Variants in TOM1L2 observed in about 807,000 individuals in gnomAD.
The protein encoded by TOM1L2 is TOM1-like protein 2.
In TOM1L2, 31 loss-of-function variants were observed where a neutral mutation model predicts 67.9. That is an observed-to-expected ratio of 0.46 (90% confidence interval 0.34 to 0.62). The LOEUF is 0.62. TOM1L2 is among the 20% of genes least tolerant of loss of function. TOM1L2 has a pLI of 0.01. For synonymous variants in TOM1L2, 256 were observed against 254.0 expected, an observed-to-expected ratio of 1.01 and a Z score of -0.07; for missense variants, 606 against 663.5, an observed-to-expected ratio of 0.91 and a Z score of 0.95.
rs1417361268 is a variant in TOM1L2, at chr17:17,972,382, G to T, written c.-69C>A. The T allele has an allele frequency of 6.5e-7, 1 of 1,543,836 alleles. No homozygotes were observed. The highest frequency in any genetic ancestry group is 2.5e-5 in the East Asian group (1 of 40,756). ...CCTAGGCCTCCGCTGTAACCCGCCG[G>T]ACTCCCGTCCTGACTGACACTTGCC... On this transcript the variant is annotated 5_prime_UTR_variant, in exon 1 of 15. Coordinates refer to ENST00000379504, the MANE Select transcript of TOM1L2 (RefSeq NM_001082968.2).
intron 12 of TOM1L2, among the ~76,000 whole-genome samples, chr17:17,860,557 G>A (rs2036500076): frequency 6.6e-6 from 1 of 152,136 alleles, no homozygotes; most frequent in South Asian, 2.1e-4. Flanking sequence ...CTAAAAATTG[G>A]GACCCAGTAA....
intron 6 of TOM1L2, among the ~76,000 whole-genome samples, chr17:17,880,255 T>C (rs919922037): frequency 2.0e-5 from 3 of 152,146 alleles, no homozygotes; most frequent in East Asian, 1.9e-4. Flanking sequence ...GCAGTGTCAA[T>C]AGCACTTTTC....
intron 14 of TOM1L2, 106 bp from the exon 15 acceptor site, chr17:17,847,889 A>G: frequency 6.7e-7 from 1 of 1,495,822 alleles, no homozygotes; most frequent in South Asian, 1.1e-5. Flanking sequence ...GCAGGCATGA[A>G]GCCCACCTAG....
At chr17:17,902,130 C>T (rs1186211515) in intron 2 of TOM1L2, among the ~76,000 whole-genome samples, 1 of 152,102 alleles carries the variant, frequency 6.6e-6, no homozygotes, top group Non-Finnish European at 1.5e-5. Flanking sequence ...GAGCTGAGAT[C>T]ACACCATTGC....
At chr17:17,869,758 T>C (rs944690563) in intron 7 of TOM1L2, 1 of 1,025,122 alleles carries the variant, frequency 9.8e-7, no homozygotes, top group Non-Finnish European at 1.2e-6. Context: ...TAAAATGTGA[T>C]TCTTTCCAGA....
chr17:17,958,544 C>A (rs143646997), intron 1 of TOM1L2, among the ~76,000 whole-genome samples: 1 of 152,154 alleles, frequency 6.6e-6, no homozygotes, highest in Admixed American at 6.5e-5. Context: ...AGACTTACTA[C>A]CCCATGCTTA....
chr17:17,938,920 G>A (rs565655338), intron 1 of TOM1L2, among the ~76,000 whole-genome samples: 31 of 152,190 alleles, frequency 2.0e-4, no homozygotes, highest in Admixed American at 2.0e-3. Flanking sequence ...GGGTGGGGCC[G>A]CCCAGAGAAG....
rs752374687 is a variant in TOM1L2, at chr17:17,879,661, C to G, written c.743G>C (p.Gly248Ala). ...MSEMLTEMVPGQEDSSDLELL... is the reference protein window; with the variant it reads ...MSEMLTEMVPAQEDSSDLELL... ...CTCCAGATCAGATGAATCCTCCTGT[C>G]CAGGGACCATTTCTGTTAACATCTC... The change falls in exon 7 of 15, where the codon GGA becomes GCA. Residue 248 changes from glycine (G) to alanine (A), a missense_variant. Around this residue, in one of 2 missense-constraint regions of TOM1L2, gnomAD observed 543 missense variants for 554.0 expected, o/e 0.98. Transcript: ENST00000379504. 6.2e-7 allele frequency: 1 copy of G among 1,614,188 alleles called. No individual in the cohort carries two copies.
intron 7 of TOM1L2, among the ~76,000 whole-genome samples, chr17:17,875,346 C>T (rs2037370812): frequency 6.6e-6 from 1 of 152,104 alleles, no homozygotes; most frequent in South Asian, 2.1e-4. Flanking sequence ...ACCACAGTGC[C>T]AGCCGGCCAC....
chr17:17,869,308 G>GAAAAA, intron 8 of TOM1L2, 32 bp downstream of exon 8: 1 of 1,516,726 alleles, frequency 6.6e-7, no homozygotes, highest in Non-Finnish European at 8.9e-7. Flanking sequence ...CTTTTCAAGG[G>GAAAAA]AAAAAAAAAA....
intron 1 of TOM1L2, among the ~76,000 whole-genome samples, chr17:17,930,533 AG>A (rs2040287106): frequency 6.6e-6 from 1 of 152,168 alleles, no homozygotes; most frequent in Non-Finnish European, 1.5e-5. Context: ...ACCCTTCCCC[AG>A]CAGCCTCTTG....
chr17:17,896,860 C>T (rs2038599868), intron 3 of TOM1L2, among the ~76,000 whole-genome samples: 1 of 152,136 alleles, frequency 6.6e-6, no homozygotes, highest in Admixed American at 6.5e-5. Flanking sequence ...GAGAGGGCCA[C>T]AGGAAACAGG....
At chr17:17,893,878 G>A (rs985993928) in intron 3 of TOM1L2, 68 bp from the exon 4 acceptor site, 1 of 1,508,510 alleles carries the variant, frequency 6.6e-7, no homozygotes, top group Non-Finnish European at 9.0e-7. Flanking sequence ...GAACTGAGGA[G>A]CGCAGCTGAG....
intron 1 of TOM1L2, among the ~76,000 whole-genome samples, chr17:17,929,230 G>C (rs2040226170): frequency 6.6e-6 from 1 of 152,216 alleles, no homozygotes; most frequent in African/African-American, 2.4e-5. Context: ...GAAGTGGGCA[G>C]CAACACAGCC....
chr17:17,972,127 TG>T, intron 1 of TOM1L2, 134 bp downstream of exon 1: 1 of 1,108,168 alleles, frequency 9.0e-7, no homozygotes, highest in Non-Finnish European at 1.3e-6. Flanking sequence ...AGCCCGCTCG[TG>T]GAGTGGCACC....
intron 1 of TOM1L2, among the ~76,000 whole-genome samples, chr17:17,961,402 AC>A (rs1342341220): frequency 6.6e-6 from 1 of 152,082 alleles, no homozygotes; most frequent in Non-Finnish European, 1.5e-5. Flanking sequence ...CCTTGCCACT[AC>A]AAAAAAATAA....
chr17:17,926,481 A>T lies in TOM1L2; in HGVS notation c.53-18950T>A, dbSNP rs146572034. ...AAAGCCAAATACAATAGGGTTCTAGATCATCTGGGAAATTACTCCTATTCA... is the reference window on the plus strand; with the variant it reads ...AAAGCCAAATACAATAGGGTTCTAGTTCATCTGGGAAATTACTCCTATTCA... On this transcript the variant is annotated intron_variant, in intron 1 of 14. Coordinates refer to ENST00000379504, the MANE Select transcript of TOM1L2 (RefSeq NM_001082968.2). Among the ~76,000 whole-genome samples the T allele has an allele frequency of 1.8e-4, 27 of 152,278 alleles. 1 individual carries two copies. In the East Asian group the frequency reaches 5.2e-3, roughly 29 times the overall value.
intron 12 of TOM1L2, among the ~76,000 whole-genome samples, chr17:17,860,565 T>C (rs548965166): frequency 5.1e-4 from 77 of 152,298 alleles, no homozygotes; most frequent in African/African-American, 1.7e-3. Context: ...TGGGACCCAG[T>C]AAGCAAACAG....
At chr17:17,872,589 C>T (rs1481134485) in intron 7 of TOM1L2, among the ~76,000 whole-genome samples, 3 of 152,248 alleles carry the variant, frequency 2.0e-5, no homozygotes, top group Non-Finnish European at 2.9e-5. Flanking sequence ...AAACTTCTGC[C>T]TCTCTGCTCT....
Sources: allele counts gnomAD v4.1 joint callset (sites outside exome capture counted in the v4.1 genomes callset), GRCh38; gene constraint gnomAD v4.1.1; regional missense constraint gnomAD v4.1.1; transcripts MANE v1.5; gene names NCBI Gene and HGNC (gene_info 2026-07-23, HGNC 2026-07-21).